The following IL1R2 variants were observed in gnomAD, a reference collection of about 807,000 sequenced individuals.
IL1R2 encodes interleukin 1 receptor type 2, also known as interleukin-1 receptor type 2.
In IL1R2, 46 loss-of-function variants were observed where a neutral mutation model predicts 39.5. The ratio of observed to expected loss-of-function variants is 1.16; its 90% CI spans 0.92 to 1.49. The LOEUF is 1.49. Among genes scored for constraint, IL1R2 ranks in the 40% most tolerant of loss-of-function variants. The pLI, the probability that IL1R2 is intolerant of heterozygous loss-of-function variation, is 0.00. For synonymous variants in IL1R2, 207 were observed against 189.6 expected, an observed-to-expected ratio of 1.09 and a Z score of -0.75; for missense variants, 537 against 502.0, an observed-to-expected ratio of 1.07 and a Z score of -0.67.
At chr2:101,993,921 G>A (rs1472674601) in intron 1 of IL1R2, among the ~76,000 whole-genome samples, 2 of 152,096 alleles carry the variant, frequency 1.3e-5, no homozygotes, top group African/African-American at 2.4e-5. Context: ...GGGAGCTGCC[G>A]GCCCCCTTTC....
intron 1 of IL1R2, among the ~76,000 whole-genome samples, chr2:101,998,662 C>T (rs1675703289): frequency 6.6e-6 from 1 of 152,186 alleles, no homozygotes; most frequent in African/African-American, 2.4e-5. Context: ...ACTTACATGG[C>T]TGGTGCCTTT....
intron 4 of IL1R2, among the ~76,000 whole-genome samples, chr2:102,018,654 T>G (rs998525024): frequency 3.9e-5 from 6 of 152,122 alleles, no homozygotes; most frequent in Admixed American, 3.9e-4. Flanking sequence ...CCCGATGAAG[T>G]AGGAACTGTA....
chr2:102,003,846 T>G (rs1005971578), intron 1 of IL1R2, among the ~76,000 whole-genome samples: 13 of 151,110 alleles, frequency 8.6e-5, no homozygotes, highest in African/African-American at 2.7e-4. Context: ...TGTGTCTGTG[T>G]CTGTGGCTGT....
intron 4 of IL1R2, 27 bp from the exon 5 acceptor site, chr2:102,019,611 C>T: frequency 2.0e-6 from 3 of 1,537,124 alleles, no homozygotes; most frequent in Non-Finnish European, 9.0e-7. Flanking sequence ...GGTATAATGT[C>T]AACTTAAAAA....
chr2:102,000,601 C>T (rs1350061463), intron 1 of IL1R2, among the ~76,000 whole-genome samples: 1 of 152,150 alleles, frequency 6.6e-6, no homozygotes, highest in Non-Finnish European at 1.5e-5. Context: ...GTAAGCTTGT[C>T]TTCTATAGAG....
chr2:102,016,115 A>G, intron 4 of IL1R2, 64 bp downstream of exon 4: 2 of 1,306,586 alleles, frequency 1.5e-6, no homozygotes, highest in Non-Finnish European at 2.2e-6. Context: ...CCATAAAAGA[A>G]AGACTTAAAA....
chr2:102,003,987 G>GTCTAT (rs1559414145), intron 1 of IL1R2, among the ~76,000 whole-genome samples: 2 of 104,468 alleles, frequency 1.9e-5, no homozygotes, highest in African/African-American at 6.6e-5. Flanking sequence ...GTCTCGGTCT[G>GTCTAT]GGTCTATGTC....
intron 4 of IL1R2, among the ~76,000 whole-genome samples, chr2:102,018,154 T>C (rs1677126649): frequency 6.6e-6 from 1 of 152,222 alleles, no homozygotes; most frequent in Non-Finnish European, 1.5e-5. Flanking sequence ...CAGGCTGGCC[T>C]CGAACTCCTG....
At chr2:102,026,003 T>C (rs879601760) in intron 7 of IL1R2, 108 bp from the exon 8 acceptor site, 3 of 838,202 alleles carry the variant, frequency 3.6e-6, no homozygotes, top group Non-Finnish European at 5.6e-6. Context: ...TTGAAAACAA[T>C]AAAAGCGCAA....
intron 4 of IL1R2, 85 bp from the exon 5 acceptor site, chr2:102,019,553 C>A: frequency 1.0e-6 from 1 of 968,432 alleles, no homozygotes. Context: ...GCAAATCCCA[C>A]ATTGGTTGAT....
chr2:101,999,113 T>C (rs1188822268), intron 1 of IL1R2: 1 of 152,366 alleles, frequency 6.6e-6, no homozygotes, highest in Non-Finnish European at 1.5e-5. Context: ...TTAAAGCTGC[T>C]TCTGTGAGTG....
At chr2:102,003,235 G>GCTGTGT (rs1216521538) in intron 1 of IL1R2, among the ~76,000 whole-genome samples, 1 of 130,916 alleles carries the variant, frequency 7.6e-6, no homozygotes, top group Admixed American at 7.6e-5. Flanking sequence ...TCTGGCTGTG[G>GCTGTGT]CTGTGTCTGT....
At chr2:102,013,710 T>C in intron 3 of IL1R2, among the ~76,000 whole-genome samples, 1 of 151,796 alleles carries the variant, frequency 6.6e-6, no homozygotes, top group Non-Finnish European at 1.5e-5. Context: ...AGGTCCATTG[T>C]GGGTTTGCAG....
chr2:102,010,574 T>TAAAA (rs35560069), intron 3 of IL1R2, among the ~76,000 whole-genome samples: 1 of 126,946 alleles, frequency 7.9e-6, no homozygotes, highest in Non-Finnish European at 1.7e-5. Flanking sequence ...AGACTCTGTC[T>TAAAA]AAAAAAAAAA....
rs540290543 is a variant in IL1R2 at position 102,004,958 on chromosome 2, G to A, written c.-61-3557G>A. On this transcript the variant is annotated intron_variant, in intron 1 of 8. Coordinates refer to ENST00000332549, the MANE Select transcript of IL1R2 (RefSeq NM_004633.4). The stretch of plus-strand genomic sequence containing the variant: ...GGAGGAGGACAGCATTTTAGGATTC[G>A]TTCTACTGGAACAGGATCCTTGTTG... Among the ~76,000 whole-genome samples, 7 of 152,266 alleles carry A rather than the reference G, an allele frequency of 4.6e-5. No homozygotes were observed. In the East Asian group the frequency reaches 1.4e-3, roughly 29 times the overall value.
intron 7 of IL1R2, among the ~76,000 whole-genome samples, chr2:102,025,064 C>A (rs889730694): frequency 6.6e-6 from 1 of 152,172 alleles, no homozygotes; most frequent in Admixed American, 6.5e-5. Flanking sequence ...TATAGTACCT[C>A]TTCTGTTTCT....
At position 102,009,660 on chromosome 2, in the gene IL1R2, T is replaced by A; in HGVS notation, c.166T>A (p.Trp56Arg). Residue 56 changes from tryptophan to arginine, a missense_variant, in exon 3 of 9, where the codon TGG (tryptophan) becomes AGG (arginine). Coordinates refer to ENST00000332549, the MANE Select transcript of IL1R2 (RefSeq NM_004633.4). ...CCTGAGGTGCCCCCAGGTGCCCTAC[T>A]GGTTGTGGGCCTCTGTCAGCCCCCG... is the stretch of plus-strand genomic sequence containing the variant. ...VALRCPQVPYWLWASVSPRIN... is the reference protein window; with the variant it reads ...VALRCPQVPYRLWASVSPRIN... 1 of 1,614,216 alleles carries A rather than the reference T, an allele frequency of 6.2e-7. No homozygotes were observed. The highest frequency in any genetic ancestry group is 8.5e-7 in the Non-Finnish European group (1 of 1,180,030).
At chr2:101,993,664 C>G (rs1031747234) in intron 1 of IL1R2, among the ~76,000 whole-genome samples, 14 of 152,272 alleles carry the variant, frequency 9.2e-5, no homozygotes, top group African/African-American at 2.9e-4. Flanking sequence ...CTGTTCCTCT[C>G]TCTGTCTCTC....
intron 6 of IL1R2, among the ~76,000 whole-genome samples, chr2:102,023,913 G>A (rs1022898633): frequency 5.9e-5 from 9 of 152,112 alleles, no homozygotes; most frequent in African/African-American, 2.2e-4. Context: ...AGCCGGGCGT[G>A]GTGGCGGGTG....
Sources: gnomAD v4.1 joint callset for allele counts (sites outside exome capture counted in the v4.1 genomes callset) on GRCh38, gnomAD v4.1.1 for gene constraint, MANE v1.5 for transcripts, NCBI Gene and HGNC (gene_info 2026-07-23, HGNC 2026-07-21) for gene names.